METTL15: variants seen among roughly 807,000 people sequenced by gnomAD.
The protein encoded by METTL15 is 12S rRNA N(4)-cytidine methyltransferase METTL15.
A neutral mutation model predicts 38.3 loss-of-function variants in METTL15; 34 were observed. The observed-to-expected ratio is 0.89, with a 90% CI of 0.68 to 1.18. The LOEUF is 1.18. Among genes scored for constraint, METTL15 ranks in the 50% most tolerant of loss-of-function variants. The probability of loss-of-function intolerance (pLI) is 0.00; values close to 1 mark genes in which losing one functional copy is unlikely to be tolerated. For missense variants in METTL15, 438 were observed against 498.4 expected (o/e 0.88, Z 1.15); for synonymous variants, 162 against 170.9 (o/e 0.95, Z 0.41).
At chr11:28,487,880 A>C (rs753981213) in intron 6 of METTL15, among the ~76,000 whole-genome samples, 1 of 152,142 alleles carries the variant, frequency 6.6e-6, no homozygotes, top group South Asian at 2.1e-4. Context: ...AGGAGCAAAC[A>C]TTTACTAAAT....
chr11:28,456,895 C>A (rs1851173952), intron 6 of METTL15, among the ~76,000 whole-genome samples: 1 of 152,162 alleles, frequency 6.6e-6, no homozygotes, highest in African/African-American at 2.4e-5. Flanking sequence ...ACCTGCAAGA[C>A]CTGATTAAGT....
chr11:28,291,168 T>A (rs921030808), intron 5 of METTL15, among the ~76,000 whole-genome samples: 1 of 150,714 alleles, frequency 6.6e-6, no homozygotes, highest in East Asian at 2.0e-4. Flanking sequence ...TGCCTCAGCC[T>A]CCTGAGTAGC....
chr11:28,334,717 G>T (rs1849885342), downstream of METTL15, among the ~76,000 whole-genome samples: 1 of 151,924 alleles, frequency 6.6e-6, no homozygotes, highest in South Asian at 2.1e-4. Flanking sequence ...ACTAATGTTT[G>T]GTAACACAGG....
At chr11:28,427,993 C>T (rs1471345808) in intron 6 of METTL15, among the ~76,000 whole-genome samples, 4 of 152,160 alleles carry the variant, frequency 2.6e-5, no homozygotes, top group African/African-American at 7.2e-5. Context: ...TTGTTTTGTG[C>T]TGGTTTTCCA....
chr11:28,310,948 TGGTGGTGGTGGTG>T (rs1857265951), intron 6 of METTL15, among the ~76,000 whole-genome samples: 1 of 87,138 alleles, frequency 1.1e-5, no homozygotes, highest in African/African-American at 4.8e-5. Flanking sequence ...GTGGTGGTGG[TGGTGGTGGTGGTG>T]GTGGGTGTGT....
chr11:28,360,732 T>C (rs1850130002), intron 4 of METTL15, among the ~76,000 whole-genome samples: 1 of 151,876 alleles, frequency 6.6e-6, no homozygotes. Flanking sequence ...TATGTATACA[T>C]GTGCCATGCT....
At chr11:28,400,892 T>C (rs1850624484) in intron 5 of METTL15, among the ~76,000 whole-genome samples, 1 of 151,964 alleles carries the variant, frequency 6.6e-6, no homozygotes, top group Non-Finnish European at 1.5e-5. Flanking sequence ...TTGAAAACAC[T>C]GAAGAGCAGT....
chr11:28,278,829 TTTG>T (rs756620315), intron 4 of METTL15, among the ~76,000 whole-genome samples: 2 of 152,054 alleles, frequency 1.3e-5, no homozygotes, highest in Non-Finnish European at 2.9e-5. Context: ...GGCCTTTAAG[TTTG>T]TTGTTGTTGT....
At chr11:28,136,485 C>T (rs1045207820) in intron 3 of METTL15, among the ~76,000 whole-genome samples, 1 of 152,056 alleles carries the variant, frequency 6.6e-6, no homozygotes, top group Non-Finnish European at 1.5e-5. Flanking sequence ...TATAAATTAC[C>T]CGGTCTTGGG....
rs892001080 is a variant in METTL15 at position 28,241,042 on chromosome 11, G to A, written c.407+29844G>A. On this transcript the variant is annotated intron_variant, in intron 4 of 6. Coordinates refer to ENST00000407364, the MANE Select transcript of METTL15 (RefSeq NM_001113528.2). ...AGTACTGTTTTATTCTAGGAAAAAGGTCATTTGCTCATTTATTTAGCATAT... is the reference window on the plus strand; with the variant it reads ...AGTACTGTTTTATTCTAGGAAAAAGATCATTTGCTCATTTATTTAGCATAT... Among the ~76,000 whole-genome samples, 11 of 152,184 alleles carry A rather than the reference G, an allele frequency of 7.2e-5. No individual in the cohort carries two copies. The South Asian group carries it at 8.3e-4, about 11-fold the overall frequency.
In METTL15 at chr11:28,327,221, A is replaced by G. The variant is rs112690757; in HGVS notation, c.779-3175A>G. ...GAGGTTGACAGGACGACATCTAGAAACGTCTTCCAGGAAATCCATCAGACA... is the reference window on the plus strand; with the variant it reads ...GAGGTTGACAGGACGACATCTAGAAGCGTCTTCCAGGAAATCCATCAGACA... On this transcript the variant is annotated intron_variant, in intron 6 of 6. Transcript: ENST00000407364. Among the ~76,000 whole-genome samples, 7 of 152,286 alleles carry G rather than the reference A, an allele frequency of 4.6e-5. 1 individual carries two copies. The highest frequency in any genetic ancestry group is 1.2e-4 in the African/African-American group (5 of 41,572).
At chr11:28,142,257 G>A (rs963516372) in intron 3 of METTL15, among the ~76,000 whole-genome samples, 9 of 152,126 alleles carry the variant, frequency 5.9e-5, no homozygotes, top group African/African-American at 2.2e-4. Flanking sequence ...ATAGAAAAGG[G>A]CCAAAGAAAA....
At chr11:28,399,697 T>C (rs1376058766) in intron 5 of METTL15, among the ~76,000 whole-genome samples, 3 of 151,912 alleles carry the variant, frequency 2.0e-5, no homozygotes, top group Non-Finnish European at 4.4e-5. Context: ...CATATTAAGA[T>C]ATAAAATCTT....
chr11:28,137,746 C>T (rs1459707711), intron 3 of METTL15, among the ~76,000 whole-genome samples: 1 of 151,674 alleles, frequency 6.6e-6, no homozygotes, highest in Non-Finnish European at 1.5e-5. Flanking sequence ...TTCTATTTCT[C>T]AAAGATTAAA....
At chr11:28,508,190 T>G (rs1228079900) in intron 6 of METTL15, among the ~76,000 whole-genome samples, 2 of 152,208 alleles carry the variant, frequency 1.3e-5, no homozygotes, top group Non-Finnish European at 2.9e-5. Context: ...CTTATTTTTT[T>G]TTTCATAGCA....
intron 6 of METTL15, among the ~76,000 whole-genome samples, chr11:28,468,665 G>A (rs1029874500): frequency 2.2e-4 from 34 of 152,010 alleles, no homozygotes; most frequent in African/African-American, 8.2e-4. Flanking sequence ...GTGTGAGAGA[G>A]GATTATTATG....
chr11:28,292,450 G>C (rs1189004580), intron 5 of METTL15, among the ~76,000 whole-genome samples: 1 of 151,926 alleles, frequency 6.6e-6, no homozygotes, highest in African/African-American at 2.4e-5. Context: ...TCTTAATCCA[G>C]TCTATCATTG....
chr11:28,376,098 A>G (rs1187050170), intron 5 of METTL15, among the ~76,000 whole-genome samples: 2 of 151,890 alleles, frequency 1.3e-5, no homozygotes, highest in Non-Finnish European at 2.9e-5. Flanking sequence ...TATGTGGTCA[A>G]TTTTGGAATA....
chr11:28,394,084 G>C (rs1339184501), intron 5 of METTL15, among the ~76,000 whole-genome samples: 1 of 152,046 alleles, frequency 6.6e-6, no homozygotes, highest in Non-Finnish European at 1.5e-5. Flanking sequence ...TTGTAAGTAG[G>C]GTTGGTGCCT....
Sources: gnomAD v4.1 joint callset for allele counts (sites outside exome capture counted in the v4.1 genomes callset) on GRCh38, gnomAD v4.1.1 for gene constraint, MANE v1.5 for transcripts, NCBI Gene and HGNC (gene_info 2026-07-23, HGNC 2026-07-21) for gene names.